The following CEP63 variants were observed in gnomAD, a reference collection of about 807,000 sequenced individuals.
The protein encoded by CEP63 is centrosomal protein of 63 kDa.
Under a neutral mutation model 89.1 loss-of-function variants are expected in CEP63, and 84 were observed. That is an observed-to-expected ratio of 0.94 (90% CI 0.79 to 1.13). The LOEUF (loss-of-function observed/expected upper bound fraction) is 1.13. Among genes scored for constraint, CEP63 ranks in the 50% most tolerant of loss-of-function variants. CEP63 has a pLI of 0.00. For missense variants in CEP63, 838 were observed against 813.3 expected, an observed-to-expected ratio of 1.03 and a Z score of -0.37; for synonymous variants, 267 against 272.5, an observed-to-expected ratio of 0.98 and a Z score of 0.20.
At chr3:134,523,889 T>C (rs995353607) in intron 3 of CEP63, among the ~76,000 whole-genome samples, 1 of 152,170 alleles carries the variant, frequency 6.6e-6, no homozygotes, top group Non-Finnish European at 1.5e-5. Context: ...TTTGGTTCCA[T>C]ATGAATTTTA....
At chr3:134,644,608 C>G in the CEP63 span, among the ~76,000 whole-genome samples, 2 of 152,198 alleles carry the variant, frequency 1.3e-5, no homozygotes, top group African/African-American at 2.4e-5. Context: ...CTGGAAGTGA[C>G]CAATGGGACC....
downstream of CEP63, among the ~76,000 whole-genome samples, chr3:134,591,368 C>T (rs1958592301): frequency 1.3e-5 from 2 of 152,188 alleles, no homozygotes; most frequent in African/African-American, 4.8e-5. Context: ...ATTCACTGCT[C>T]TGTGAGTGTC....
At chr3:134,743,706 G>A in the CEP63 span, among the ~76,000 whole-genome samples, 1,422 of 152,176 alleles carry the variant, frequency 9.3e-3, 17 homozygotes, top group African/African-American at 0.031. Flanking sequence ...ACCCATTCGT[G>A]ACACTCAGCT....
the CEP63 span, among the ~76,000 whole-genome samples, chr3:134,696,589 A>G: frequency 6.6e-6 from 1 of 152,224 alleles, no homozygotes; most frequent in Admixed American, 6.5e-5. Flanking sequence ...TGCAGACAAA[A>G]TGAGAAAGAA....
chr3:134,725,692 T>C, the CEP63 span, among the ~76,000 whole-genome samples: 4 of 152,370 alleles, frequency 2.6e-5, no homozygotes, highest in East Asian at 7.7e-4. Flanking sequence ...GCACCAGAAC[T>C]TTATTGCTTA....
At chr3:134,651,032 C>A in the CEP63 span, 1 of 1,597,970 alleles carries the variant, frequency 6.3e-7, no homozygotes, top group South Asian at 1.1e-5. Flanking sequence ...TGGCCCCGTG[C>A]GCGCAGCTGC....
chr3:134,669,262 A>G, the CEP63 span, among the ~76,000 whole-genome samples: 1 of 152,140 alleles, frequency 6.6e-6, no homozygotes, highest in Non-Finnish European at 1.5e-5. Context: ...TCCTAGGCTC[A>G]AGTGATCTGC....
the CEP63 span, chr3:134,619,198 G>A: frequency 6.2e-7 from 1 of 1,613,946 alleles, no homozygotes; most frequent in Non-Finnish European, 8.5e-7. Flanking sequence ...TGGTCTTCTG[G>A]GTCCGCAGGA....
chr3:134,545,035 C>T (rs1322105402), intron 6 of CEP63, among the ~76,000 whole-genome samples: 1 of 152,092 alleles, frequency 6.6e-6, no homozygotes, highest in Non-Finnish European at 1.5e-5. Context: ...CATTCTGTCA[C>T]TAGGCTGCAG....
chr3:134,714,252 GA>G, the CEP63 span, among the ~76,000 whole-genome samples: 1 of 152,152 alleles, frequency 6.6e-6, no homozygotes, highest in South Asian at 2.1e-4. Context: ...CGAGGTCAAA[GA>G]AAACAAGACT....
chr3:134,660,276 T>A, the CEP63 span, among the ~76,000 whole-genome samples: 3 of 152,236 alleles, frequency 2.0e-5, no homozygotes, highest in Non-Finnish European at 4.4e-5. Flanking sequence ...TGAGCGGCTT[T>A]GGGGCTTGGC....
At chr3:134,608,244 T>C in the CEP63 span, 4 of 1,193,008 alleles carry the variant, frequency 3.4e-6, no homozygotes, top group Admixed American at 1.4e-4. Flanking sequence ...AGAGGCTATG[T>C]GTAGCCAGGG....
At chr3:134,635,083 CA>C in the CEP63 span, among the ~76,000 whole-genome samples, 1 of 152,336 alleles carries the variant, frequency 6.6e-6, no homozygotes, top group East Asian at 1.9e-4. Context: ...TATGTTCACA[CA>C]AAAACCTGTA....
chr3:134,550,337 A>C, intron 11 of CEP63, 77 bp downstream of exon 11: 2 of 1,357,538 alleles, frequency 1.5e-6, no homozygotes, highest in Non-Finnish European at 2.1e-6. Flanking sequence ...TAATTTTCAT[A>C]ATATTTAATT....
At chr3:134,666,525 G>A in the CEP63 span, among the ~76,000 whole-genome samples, 6 of 152,308 alleles carry the variant, frequency 3.9e-5, no homozygotes, top group East Asian at 1.2e-3. Context: ...GCAGGCAGGA[G>A]CCAGGGCACG....
the CEP63 span, among the ~76,000 whole-genome samples, chr3:134,701,934 C>A: frequency 6.6e-6 from 1 of 152,114 alleles, no homozygotes; most frequent in Non-Finnish European, 1.5e-5. Flanking sequence ...CCCACAAAAA[C>A]AAGCTACTGA....
chr3:134,574,643 T>C (rs149945936), intron 11 of CEP63: 13 of 400,550 alleles, frequency 3.2e-5, no homozygotes, highest in Non-Finnish European at 5.3e-5. Context: ...AGTCCCACTC[T>C]GTCACCCAGG....
the CEP63 span, among the ~76,000 whole-genome samples, chr3:134,661,567 C>A: frequency 6.6e-6 from 1 of 151,954 alleles, no homozygotes; most frequent in African/African-American, 2.4e-5. Context: ...GAAGAGGGTC[C>A]CAAGAGAAGA....
At chr3:134,628,940 G>A in the CEP63 span, among the ~76,000 whole-genome samples, 2 of 152,202 alleles carry the variant, frequency 1.3e-5, no homozygotes, top group Non-Finnish European at 2.9e-5. Context: ...TTGGCTCACT[G>A]CATGGACCTA....
Sources: gnomAD v4.1 joint callset for allele counts (sites outside exome capture counted in the v4.1 genomes callset) on GRCh38, gnomAD v4.1.1 for gene constraint, MANE v1.5 for transcripts, NCBI Gene and HGNC (gene_info 2026-07-23, HGNC 2026-07-21) for gene names.